MIR2052HG: variants seen among roughly 807,000 people sequenced by gnomAD.
The protein encoded by MIR2052HG is MIR2052 host gene.
chr8:74,687,257 T>C (rs1339896129), intron 2 of MIR2052HG, among the ~76,000 whole-genome samples: 1 of 152,050 alleles, frequency 6.6e-6, no homozygotes, highest in Non-Finnish European at 1.5e-5. Flanking sequence ...GAATGTAAAA[T>C]GGTCTAGCAG....
At chr8:74,651,358 G>A (rs1808749384) in intron 2 of MIR2052HG, among the ~76,000 whole-genome samples, 1 of 152,074 alleles carries the variant, frequency 6.6e-6, no homozygotes, top group Admixed American at 6.6e-5. Flanking sequence ...GAATGTGTTT[G>A]ACAGGTAATG....
chr8:74,632,381 A>G (rs1808523623), intron 2 of MIR2052HG: 1 of 152,132 alleles, frequency 6.6e-6, no homozygotes, highest in African/African-American at 2.4e-5. Flanking sequence ...ATTATCCTAT[A>G]GTGGCCCCGC....
At chr8:74,705,452 A>C (rs1007574699) in intron 4 of MIR2052HG, among the ~76,000 whole-genome samples, 3 of 152,046 alleles carry the variant, frequency 2.0e-5, no homozygotes, top group African/African-American at 7.2e-5. Context: ...TTGATACTTA[A>C]GGTCGTTTCC....
At chr8:74,695,421 CA>C (rs941090491) in intron 2 of MIR2052HG, among the ~76,000 whole-genome samples, 16 of 151,800 alleles carry the variant, frequency 1.1e-4, no homozygotes, top group Non-Finnish European at 1.9e-4. Flanking sequence ...GGTATTTGGG[CA>C]AAAAATAGCA....
intron 2 of MIR2052HG, among the ~76,000 whole-genome samples, chr8:74,648,778 G>A (rs1040902511): frequency 4.6e-5 from 7 of 151,910 alleles, no homozygotes; most frequent in African/African-American, 1.7e-4. Flanking sequence ...AAGGAATACT[G>A]CAAGGAAGAC....
At chr8:74,702,664 T>C (rs1472421613) in intron 3 of MIR2052HG, among the ~76,000 whole-genome samples, 1 of 152,082 alleles carries the variant, frequency 6.6e-6, no homozygotes, top group Non-Finnish European at 1.5e-5. Flanking sequence ...AACAAAACTT[T>C]GGGAGATATG....
intron 2 of MIR2052HG, among the ~76,000 whole-genome samples, chr8:74,633,505 A>G (rs1489399452): frequency 6.6e-6 from 1 of 152,174 alleles, no homozygotes; most frequent in Non-Finnish European, 1.5e-5. Context: ...GCTTATTCCC[A>G]TTCCCTAATC....
intron 2 of MIR2052HG, among the ~76,000 whole-genome samples, chr8:74,631,204 C>T (rs547772286): frequency 2.0e-4 from 30 of 152,310 alleles, no homozygotes; most frequent in Non-Finnish European, 2.9e-4. Context: ...TTTGGCCTGG[C>T]GGGCTAGATA....
At chr8:74,709,099 A>G (rs1809441268) in intron 4 of MIR2052HG, among the ~76,000 whole-genome samples, 1 of 152,096 alleles carries the variant, frequency 6.6e-6, no homozygotes, top group Non-Finnish European at 1.5e-5. Context: ...TCAATATCAG[A>G]TGGTGTTTGC....
intron 2 of MIR2052HG, among the ~76,000 whole-genome samples, chr8:74,665,371 T>A (rs1241861167): frequency 6.6e-6 from 1 of 152,208 alleles, no homozygotes; most frequent in Non-Finnish European, 1.5e-5. Context: ...ACGGGGAGAA[T>A]AACCTTGCTG....
intron 1 of MIR2052HG, among the ~76,000 whole-genome samples, chr8:74,604,735 A>G (rs995433186): frequency 1.3e-5 from 2 of 151,554 alleles, no homozygotes; most frequent in African/African-American, 4.8e-5. Flanking sequence ...CTGGGATTAC[A>G]GGCATGTGCC....
intron 1 of MIR2052HG, among the ~76,000 whole-genome samples, chr8:74,605,346 T>C (rs117677677): frequency 0.015 from 2,290 of 152,344 alleles, 20 homozygotes; most frequent in Non-Finnish European, 0.019. Flanking sequence ...CAGGAGAGCA[T>C]TTAACATTCA....
At chr8:74,606,406 A>G (rs1212634330) in intron 1 of MIR2052HG, among the ~76,000 whole-genome samples, 1 of 152,214 alleles carries the variant, frequency 6.6e-6, no homozygotes. Flanking sequence ...GTCTAAAAAC[A>G]GGGTTAGTGA....
At chr8:74,604,664 G>T (rs1808085639) in intron 1 of MIR2052HG, among the ~76,000 whole-genome samples, 1 of 141,350 alleles carries the variant, frequency 7.1e-6, no homozygotes, top group Non-Finnish European at 1.5e-5. Flanking sequence ...CGCGATCTTG[G>T]CTCACTGCAA....
intron 2 of MIR2052HG, among the ~76,000 whole-genome samples, chr8:74,698,012 A>C (rs1809317141): frequency 1.3e-5 from 2 of 152,158 alleles, no homozygotes; most frequent in African/African-American, 4.8e-5. Flanking sequence ...ATAATCCTAA[A>C]ATTTATATGG....
chr8:74,707,055 A>G (rs1586919579), intron 4 of MIR2052HG, among the ~76,000 whole-genome samples: 1 of 152,292 alleles, frequency 6.6e-6, no homozygotes, highest in East Asian at 1.9e-4. Context: ...GTGACTAGTG[A>G]AAATTCAATA....
At chr8:74,644,039 C>A (rs780584523) in intron 2 of MIR2052HG, among the ~76,000 whole-genome samples, 2 of 152,144 alleles carry the variant, frequency 1.3e-5, no homozygotes, top group Non-Finnish European at 2.9e-5. Flanking sequence ...TGTTTTCCTG[C>A]ATAAATATTT....
intron 2 of MIR2052HG, among the ~76,000 whole-genome samples, chr8:74,659,240 T>C (rs1340178765): frequency 6.6e-6 from 1 of 152,180 alleles, no homozygotes; most frequent in Non-Finnish European, 1.5e-5. Flanking sequence ...ACAAATAATT[T>C]TTACAAAACA....
intron 2 of MIR2052HG, among the ~76,000 whole-genome samples, chr8:74,656,269 A>G (rs1330684538): frequency 6.6e-6 from 1 of 151,986 alleles, no homozygotes; most frequent in Non-Finnish European, 1.5e-5. Context: ...GGAAGGCATG[A>G]TTGGTTTTGA....
Sources: allele counts gnomAD v4.1 joint callset (sites outside exome capture counted in the v4.1 genomes callset), GRCh38; gene constraint gnomAD v4.1.1; transcripts MANE v1.5; gene names NCBI Gene and HGNC (gene_info 2026-07-23, HGNC 2026-07-21).